The following NCAM1 variants were observed in gnomAD, a reference collection of about 807,000 sequenced individuals.
NCAM1 encodes neural cell adhesion molecule 1, also known as antigen recognized by monoclonal antibody 5.1H11.
In NCAM1, 14 loss-of-function variants were observed where a neutral mutation model predicts 109.8. The ratio of observed to expected loss-of-function variants is 0.13; its 90% CI spans 0.08 to 0.20. The LOEUF (loss-of-function observed/expected upper bound fraction) is 0.20, where lower values mean the gene tolerates loss of function less well. Ranked by LOEUF, NCAM1 falls within the 10% of genes least tolerant of loss-of-function variation. The pLI is 1.00. For synonymous variants in NCAM1, 418 were observed against 442.9 expected (o/e 0.94, Z 0.70); for missense variants, 774 against 1,109.9 (o/e 0.70, Z 4.30).
At chr11:113,241,638 TC>T (rs1188378592) in intron 14 of NCAM1, among the ~76,000 whole-genome samples, 1 of 152,206 alleles carries the variant, frequency 6.6e-6, no homozygotes, top group Admixed American at 6.5e-5. Flanking sequence ...TGCTATCCTG[TC>T]CTTTTGTGTG....
At chr11:113,082,467 C>A (rs1555087425) in intron 1 of NCAM1, among the ~76,000 whole-genome samples, 2 of 152,168 alleles carry the variant, frequency 1.3e-5, no homozygotes. Context: ...ACCATAGATA[C>A]CAAAATCTAA....
At chr11:113,147,140 A>G (rs1942047719) in intron 1 of NCAM1, among the ~76,000 whole-genome samples, 1 of 152,248 alleles carries the variant, frequency 6.6e-6, no homozygotes, top group Admixed American at 6.5e-5. Context: ...CAAAACTTGT[A>G]TAAAGGCCAG....
At position 113,236,206 on chromosome 11, in the gene NCAM1, G is replaced by A. The variant is rs554680506; in HGVS notation, c.1825+1042G>A. 351 of 1,307,294 alleles carry A rather than the reference G, an allele frequency of 2.7e-4. 1 individual carries two copies. The highest frequency in any genetic ancestry group is 1.3e-3 in the Middle Eastern group (7 of 5,474). The allele number at this position is 1,307,294 out of a possible 1,614,324, so 81.0% of individuals were successfully genotyped here. On this transcript the variant is annotated intron_variant, in intron 14 of 19. Coordinates refer to ENST00000316851, the MANE Select transcript of NCAM1 (RefSeq NM_181351.5). The stretch of plus-strand genomic sequence containing the variant: ...GAGTTTCCAGCTCCATGTGCTCTGC[G>A]GATTCTATTCATTTCTTTTACATCT...
chr11:113,074,831 C>G (rs782649115), intron 1 of NCAM1, among the ~76,000 whole-genome samples: 11 of 152,108 alleles, frequency 7.2e-5, no homozygotes, highest in Non-Finnish European at 1.3e-4. Context: ...GAGCGTTCAC[C>G]ATGTTGGCCA....
chr11:113,158,647 T>C (rs1942499057), intron 1 of NCAM1, among the ~76,000 whole-genome samples: 1 of 152,184 alleles, frequency 6.6e-6, no homozygotes, highest in Non-Finnish European at 1.5e-5. Context: ...CTCCTTAAGT[T>C]GTGGTTTTGC....
chr11:113,250,096 G>A (rs1203083367), intron 15 of NCAM1, among the ~76,000 whole-genome samples: 1 of 152,194 alleles, frequency 6.6e-6, no homozygotes, highest in Non-Finnish European at 1.5e-5. Flanking sequence ...TAAAGCTGAA[G>A]AGAAAAGGGT....
intron 8 of NCAM1, among the ~76,000 whole-genome samples, chr11:113,217,884 C>A (rs1944576207): frequency 6.6e-6 from 1 of 152,166 alleles, no homozygotes. Context: ...CATCTCTAGT[C>A]CCCTTCCTGT....
rs1555117683 is a variant in NCAM1, at chr11:113,233,329, G to A, written c.1693+12G>A. The A allele has an allele frequency of 4.3e-6, 7 of 1,609,214 alleles. No individual in the cohort carries two copies. The highest frequency in any genetic ancestry group is 5.9e-6 in the Non-Finnish European group (7 of 1,177,644). ...TGATGCCAAGGAAGGTGAGTTGGGC[G>A]AGTTGGTGTTTCCATTGGGATCATG... is the stretch of plus-strand genomic sequence containing the variant. On this transcript the variant is annotated intron_variant, in intron 13 of 19. Coordinates refer to ENST00000316851, the MANE Select transcript of NCAM1 (RefSeq NM_181351.5). The surrounding 1 kb of genome is among the most constrained non-coding windows in gnomAD (Gnocchi z 4.5).
chr11:113,199,282 T>C (rs1280338565), intron 1 of NCAM1, among the ~76,000 whole-genome samples: 3 of 152,138 alleles, frequency 2.0e-5, no homozygotes, highest in African/African-American at 7.2e-5. Context: ...GGTAGGAATT[T>C]GTATTGGGAA....
chr11:113,021,865 G>A (rs1234770868), intron 1 of NCAM1, among the ~76,000 whole-genome samples: 10 of 152,146 alleles, frequency 6.6e-5, no homozygotes, highest in African/African-American at 2.4e-4. Context: ...CCCTAAAATA[G>A]CAAAGGTAGA....
intron 1 of NCAM1, among the ~76,000 whole-genome samples, chr11:113,103,448 A>G (rs2135884423): frequency 6.6e-6 from 1 of 152,284 alleles, no homozygotes; most frequent in African/African-American, 2.4e-5. Flanking sequence ...GCTTGAAACA[A>G]ATTTATAAAA....
At chr11:113,054,272 C>G (rs1319601281) in intron 1 of NCAM1, among the ~76,000 whole-genome samples, 1 of 152,176 alleles carries the variant, frequency 6.6e-6, no homozygotes, top group East Asian at 1.9e-4. Flanking sequence ...TGCTCTGATC[C>G]TAATGTTCCA....
intron 1 of NCAM1, among the ~76,000 whole-genome samples, chr11:112,998,024 C>T (rs182076212): frequency 6.6e-6 from 1 of 152,144 alleles, no homozygotes; most frequent in Non-Finnish European, 1.5e-5. Flanking sequence ...AGGAGCTCAG[C>T]AGAGGGCAGA....
rs1238919525 is a variant in NCAM1 at position 113,167,326 on chromosome 11, G to A, written c.53-35053G>A. ...ATACCATTGTTTCTAAATGGTTTACGAGCAGTGTTATAGAGCCTTCCAGTC... is the reference window on the plus strand; with the variant it reads ...ATACCATTGTTTCTAAATGGTTTACAAGCAGTGTTATAGAGCCTTCCAGTC... On this transcript the variant is annotated intron_variant, in intron 1 of 19. Transcript: ENST00000316851. 3.3e-5 allele frequency among the ~76,000 whole-genome samples: 5 copies of A among 152,074 alleles called. No homozygotes were observed. In the South Asian group the frequency reaches 8.3e-4, roughly 25 times the overall value.
intron 1 of NCAM1, among the ~76,000 whole-genome samples, chr11:113,185,066 ATT>A (rs201998863): frequency 1.7e-4 from 10 of 59,942 alleles, no homozygotes; most frequent in East Asian, 1.0e-3. Flanking sequence ...GTGCATTTAT[ATT>A]TATATATATA....
chr11:113,209,342 G>T (rs192120084), intron 7 of NCAM1, among the ~76,000 whole-genome samples: 1 of 152,178 alleles, frequency 6.6e-6, no homozygotes, highest in Non-Finnish European at 1.5e-5. Context: ...TTAGAAACAG[G>T]CTATCAGTTA....
chr11:113,187,555 G>C (rs544840687), intron 1 of NCAM1, among the ~76,000 whole-genome samples: 5 of 111,556 alleles, frequency 4.5e-5, no homozygotes, highest in Non-Finnish European at 7.6e-5. Context: ...GTGTGTGTGT[G>C]TGTGTTTCTG....
intron 1 of NCAM1, among the ~76,000 whole-genome samples, chr11:112,997,566 A>AT (rs1399291785): frequency 1.3e-5 from 2 of 152,040 alleles, no homozygotes; most frequent in African/African-American, 2.4e-5. Context: ...GAACAAGTTG[A>AT]TTTTTTTCCT....
At chr11:113,229,774 T>G (rs527712149) in intron 9 of NCAM1, among the ~76,000 whole-genome samples, 1 of 152,192 alleles carries the variant, frequency 6.6e-6, no homozygotes, top group Non-Finnish European at 1.5e-5. Context: ...TGAGTTTATG[T>G]CCTTTGTAGG....
Sources: allele counts gnomAD v4.1 joint callset (sites outside exome capture counted in the v4.1 genomes callset), GRCh38; gene constraint gnomAD v4.1.1; non-coding constraint Gnocchi (gnomAD v3.1); transcripts MANE v1.5; gene names NCBI Gene and HGNC (gene_info 2026-07-23, HGNC 2026-07-21).